DOCK4: variants seen among roughly 807,000 people sequenced by gnomAD.
DOCK4 encodes the protein dedicator of cytokinesis protein 4.
Under a neutral mutation model 268.1 loss-of-function variants are expected in DOCK4, and 97 were observed. The ratio of observed to expected loss-of-function variants is 0.36; its 90% CI spans 0.31 to 0.43. DOCK4 has a LOEUF of 0.43. Among genes scored for constraint, DOCK4 ranks in the 20% least tolerant of loss-of-function variants. The pLI, the probability that DOCK4 is intolerant of heterozygous loss-of-function variation, is 1.00. For missense variants in DOCK4, 2,145 were observed against 2,455.7 expected (o/e 0.87, Z 2.67); for synonymous variants, 954 against 887.2 (o/e 1.08, Z -1.34).
intron 1 of DOCK4, among the ~76,000 whole-genome samples, chr7:112,086,705 C>A (rs1225882996): frequency 6.6e-6 from 1 of 152,162 alleles, no homozygotes; most frequent in Non-Finnish European, 1.5e-5. Flanking sequence ...TAAAACCCAA[C>A]TCTGAAGTCA....
intron 49 of DOCK4, among the ~76,000 whole-genome samples, chr7:111,738,262 C>G (rs1044219359): frequency 2.0e-5 from 3 of 152,184 alleles, no homozygotes; most frequent in Non-Finnish European, 4.4e-5. Context: ...GCCAAGCTCC[C>G]TTACTCGCAT....
Position 111,852,548 on chromosome 7 carries a change from T to C in DOCK4, c.2474-5422A>G, listed in dbSNP as rs866430832. 4.2e-4 allele frequency among the ~76,000 whole-genome samples: 64 copies of C among 151,306 alleles called. 1 individual carries two copies. The highest frequency in any genetic ancestry group is 1.5e-3 in the African/African-American group (61 of 41,264). On this transcript the variant is annotated intron_variant, in intron 23 of 52. Coordinates refer to ENST00000428084, the MANE Select transcript of DOCK4 (RefSeq NM_001363540.2). Reference sequence around the variant, plus strand: ...TGAAAATTTAAGTGCCAGTAGTCATTGCCTAGTAATGTTTAATTAGAAAGG... The same window carrying C: ...TGAAAATTTAAGTGCCAGTAGTCATCGCCTAGTAATGTTTAATTAGAAAGG...
chr7:111,964,587 C>T (rs1364343965), intron 8 of DOCK4, among the ~76,000 whole-genome samples: 2 of 135,770 alleles, frequency 1.5e-5, no homozygotes, highest in Non-Finnish European at 3.1e-5. Context: ...GATTGGTGTA[C>T]CTGAAAGTGA....
At chr7:112,021,537 T>G (rs775173950) in intron 1 of DOCK4, among the ~76,000 whole-genome samples, 1 of 152,218 alleles carries the variant, frequency 6.6e-6, no homozygotes, top group Non-Finnish European at 1.5e-5. Flanking sequence ...GTCTAACGCC[T>G]TCCCATGGGC....
chr7:111,848,946 C>T (rs1252679651), intron 23 of DOCK4, among the ~76,000 whole-genome samples: 3 of 152,188 alleles, frequency 2.0e-5, no homozygotes, highest in Non-Finnish European at 2.9e-5. Flanking sequence ...GGCACCAATT[C>T]ACCTCAGCCT....
intron 26 of DOCK4, among the ~76,000 whole-genome samples, chr7:111,824,817 G>T (rs1360981896): frequency 6.6e-6 from 1 of 152,130 alleles, no homozygotes; most frequent in Non-Finnish European, 1.5e-5. Context: ...AAAAGGCTGT[G>T]GCAGCATGTG....
chr7:112,167,172 G>T (rs919284172), intron 1 of DOCK4, among the ~76,000 whole-genome samples: 1 of 152,158 alleles, frequency 6.6e-6, no homozygotes, highest in Admixed American at 6.6e-5. Flanking sequence ...ATTCTTCGGG[G>T]AACAAAACTA....
At chr7:112,058,724 G>A (rs7791530) in intron 1 of DOCK4, among the ~76,000 whole-genome samples, 17,968 of 152,166 alleles carry the variant, frequency 0.12, 3,598 homozygotes, top group African/African-American at 0.41. Flanking sequence ...CAGCTAGACA[G>A]AAGAAAGGGA....
intron 1 of DOCK4, among the ~76,000 whole-genome samples, chr7:112,111,438 A>C (rs1229944621): frequency 2.0e-5 from 3 of 152,304 alleles, no homozygotes; most frequent in South Asian, 2.1e-4. Flanking sequence ...TAATTTCACA[A>C]ATTGGTGGAA....
Position 111,788,739 on chromosome 7 carries a change from G to T in DOCK4, c.3324C>A (p.Ala1108=). Residue 1108 remains alanine, a synonymous_variant, in exon 32 of 53, where the codon GCC becomes GCA. Coordinates refer to ENST00000428084, the MANE Select transcript of DOCK4 (RefSeq NM_001363540.2). ...GGCTATCCAGTTTGTCAATTAGCTTGGCTTCCACCTGAAACATACCCAACT... is the reference window on the plus strand; with the variant it reads ...GGCTATCCAGTTTGTCAATTAGCTTTGCTTCCACCTGAAACATACCCAACT... ...RRSGNFKQVE[A]KLIDKLDSLM... 6.3e-7 allele frequency: 1 copy of T among 1,588,596 alleles called. No homozygotes were observed.
At chr7:111,784,434 CTACAGGAAAATCCTTG>C (rs1799026103) in intron 32 of DOCK4, 1 of 581,308 alleles carries the variant, frequency 1.7e-6, no homozygotes, top group South Asian at 1.5e-5. Flanking sequence ...AATGCAACTG[CTACAGGAAAATCCTTG>C]TACAGCTGGT....
intron 12 of DOCK4, among the ~76,000 whole-genome samples, chr7:111,934,903 A>G (rs1447561179): frequency 6.6e-5 from 10 of 151,562 alleles, no homozygotes; most frequent in Non-Finnish European, 8.8e-5. Context: ...TCCACAGAAC[A>G]GTCACAAATC....
Position 111,747,262 on chromosome 7 carries a change from C to T in DOCK4, c.4593+5G>A, listed in dbSNP as rs758005188. Reference sequence around the variant, plus strand: ...TTCTCTGAAACAACAATACCTAATCCTTACCTCTTGATACCTGGAAACGCC... The same window carrying T: ...TTCTCTGAAACAACAATACCTAATCTTTACCTCTTGATACCTGGAAACGCC... On this transcript the variant is annotated splice_donor_5th_base_variant and intron_variant, in intron 43 of 52. Transcript: ENST00000428084. 3.1e-6 allele frequency: 5 copies of T among 1,610,818 alleles called. No individual in the cohort carries two copies. Among genetic ancestry groups the T allele is most frequent in the Admixed American group, 1.7e-5 (1 of 59,600 alleles).
At chr7:111,845,175 A>G (rs1804004158) in intron 24 of DOCK4, among the ~76,000 whole-genome samples, 1 of 152,356 alleles carries the variant, frequency 6.6e-6, no homozygotes, top group Middle Eastern at 3.4e-3. Flanking sequence ...GGCTCCCAAC[A>G]GGGTGTGTGA....
chr7:111,937,296 C>A (rs1794820100), intron 11 of DOCK4, among the ~76,000 whole-genome samples: 3 of 152,178 alleles, frequency 2.0e-5, no homozygotes, highest in Admixed American at 2.0e-4. Flanking sequence ...ATTCACAGTT[C>A]CTTCCTAATC....
intron 1 of DOCK4, among the ~76,000 whole-genome samples, chr7:112,093,981 C>G (rs1219729236): frequency 2.0e-5 from 3 of 151,464 alleles, no homozygotes; most frequent in African/African-American, 7.3e-5. Context: ...GCATATTGAG[C>G]TTAGATATTA....
intron 42 of DOCK4, among the ~76,000 whole-genome samples, chr7:111,748,882 G>C (rs1448318891): frequency 2.0e-5 from 3 of 152,106 alleles, no homozygotes; most frequent in African/African-American, 7.2e-5. Flanking sequence ...GAATGGAATA[G>C]TATACAGCAA....
At chr7:111,945,903 G>T in intron 8 of DOCK4, 105 bp from the exon 9 acceptor site, 2 of 801,094 alleles carry the variant, frequency 2.5e-6, no homozygotes, top group Non-Finnish European at 3.9e-6. Context: ...ATATTAGGTT[G>T]TTCATTTAAC....
rs947235449 is a variant in DOCK4, at chr7:111,982,540, T to C, written c.549+1766A>G. 9.3e-4 allele frequency among the ~76,000 whole-genome samples: 141 copies of C among 152,348 alleles called. 1 individual carries two copies. Among genetic ancestry groups the C allele is most frequent in the African/African-American group, 3.2e-3 (133 of 41,574 alleles). On this transcript the variant is annotated intron_variant, in intron 7 of 52. Coordinates refer to ENST00000428084, the MANE Select transcript of DOCK4 (RefSeq NM_001363540.2). Reference sequence around the variant, plus strand: ...ACATATATTTCTTATCTAATCTTCATAATAAACATGAAAATAATTATTTCC... The same window carrying C: ...ACATATATTTCTTATCTAATCTTCACAATAAACATGAAAATAATTATTTCC...
Sources: allele counts gnomAD v4.1 joint callset (sites outside exome capture counted in the v4.1 genomes callset), GRCh38; gene constraint gnomAD v4.1.1; transcripts MANE v1.5; gene names NCBI Gene and HGNC (gene_info 2026-07-23, HGNC 2026-07-21).